Variants in SNTG1 observed in about 807,000 individuals in gnomAD.
SNTG1 encodes the protein syntrophin gamma 1.
SNTG1 carries 39 observed loss-of-function variants against 74.7 expected under a neutral mutation model. The observed-to-expected ratio is 0.52, with a 90% CI of 0.40 to 0.68. The LOEUF (loss-of-function observed/expected upper bound fraction) is 0.68, where lower values mean the gene tolerates loss of function less well. Ranked by LOEUF, SNTG1 falls within the 30% of genes least tolerant of loss-of-function variation. SNTG1 has a pLI of 0.00. For synonymous variants in SNTG1, 254 were observed against 217.1 expected (o/e 1.17, Z -1.49); for missense variants, 685 against 609.5 (o/e 1.12, Z -1.30).
At chr8:50,034,459 T>C (rs564342579) in intron 1 of SNTG1, among the ~76,000 whole-genome samples, 2 of 152,348 alleles carry the variant, frequency 1.3e-5, no homozygotes, top group African/African-American at 4.8e-5. Context: ...AATGCCAGCA[T>C]TTAAAAATCA....
intron 1 of SNTG1, among the ~76,000 whole-genome samples, chr8:50,150,596 A>T (rs1316584119): frequency 6.6e-6 from 1 of 152,188 alleles, no homozygotes; most frequent in East Asian, 1.9e-4. Context: ...GAGAGTTTTT[A>T]GCATGAAGGG....
intron 13 of SNTG1, among the ~76,000 whole-genome samples, chr8:50,647,463 TACACACAC>T (rs749068141): frequency 6.6e-6 from 1 of 151,400 alleles, no homozygotes; most frequent in Non-Finnish European, 1.5e-5. Context: ...TATATATGTA[TACACACAC>T]ACACATACAC....
chr8:50,670,154 C>G (rs2095272779), intron 15 of SNTG1, among the ~76,000 whole-genome samples: 1 of 152,138 alleles, frequency 6.6e-6, no homozygotes, highest in Non-Finnish European at 1.5e-5. Context: ...CCCTCTCTCA[C>G]CACTCCTATT....
chr8:50,594,515 G>A (rs1370346808), intron 13 of SNTG1, among the ~76,000 whole-genome samples: 1 of 151,796 alleles, frequency 6.6e-6, no homozygotes, highest in Non-Finnish European at 1.5e-5. Flanking sequence ...TATTAGCTCT[G>A]GTAGCTATTC....
chr8:50,159,377 C>T (rs772250690), intron 1 of SNTG1, among the ~76,000 whole-genome samples: 1 of 152,020 alleles, frequency 6.6e-6, no homozygotes, highest in Non-Finnish European at 1.5e-5. Flanking sequence ...TTATCTTATT[C>T]CTATTATTTG....
At chr8:50,546,824 C>T (rs2094391700) in intron 11 of SNTG1, among the ~76,000 whole-genome samples, 1 of 152,116 alleles carries the variant, frequency 6.6e-6, no homozygotes, top group Non-Finnish European at 1.5e-5. Context: ...CTCTGCCACC[C>T]AGGCTGGAGT....
At chr8:50,450,655 C>A in intron 7 of SNTG1, 33 bp from the exon 8 acceptor site, 1 of 1,613,178 alleles carries the variant, frequency 6.2e-7, no homozygotes, top group Non-Finnish European at 8.5e-7. Context: ...TTACAATATG[C>A]CATGGGAAAC....
At chr8:50,494,700 C>A (rs1032497960) in intron 8 of SNTG1, among the ~76,000 whole-genome samples, 1 of 151,976 alleles carries the variant, frequency 6.6e-6, no homozygotes, top group Non-Finnish European at 1.5e-5. Context: ...CGTGAACTAC[C>A]TAATAATGTA....
At chr8:50,454,353 T>A (rs2093483758) in intron 8 of SNTG1, among the ~76,000 whole-genome samples, 1 of 151,420 alleles carries the variant, frequency 6.6e-6, no homozygotes, top group Non-Finnish European at 1.5e-5. Flanking sequence ...AAACATTAGC[T>A]GGGTGTGGTG....
intron 9 of SNTG1, among the ~76,000 whole-genome samples, chr8:50,518,727 C>A (rs2094154682): frequency 1.3e-5 from 2 of 152,138 alleles, no homozygotes; most frequent in Admixed American, 1.3e-4. Context: ...AATTCCTGAA[C>A]ACATACACCC....
intron 1 of SNTG1, among the ~76,000 whole-genome samples, chr8:50,022,242 TGTA>T (rs1816891506): frequency 6.6e-6 from 1 of 152,180 alleles, no homozygotes; most frequent in African/African-American, 2.4e-5. Flanking sequence ...GAGACTGCTC[TGTA>T]GATAAATGAG....
chr8:50,445,159 A>C (rs2093395090), intron 5 of SNTG1, among the ~76,000 whole-genome samples: 2 of 152,164 alleles, frequency 1.3e-5, no homozygotes, highest in Non-Finnish European at 2.9e-5. Flanking sequence ...ATTTTTTGCC[A>C]AAATCAAACG....
At position 50,378,608 on chromosome 8, in the gene SNTG1, C is replaced by G. The variant is rs151164977; in HGVS notation, c.-27-15604C>G. Among the ~76,000 whole-genome samples, 507 of 152,208 alleles carry G rather than the reference C, an allele frequency of 3.3e-3. 7 individuals are homozygous for G. Among genetic ancestry groups the G allele is most frequent in the Admixed American group, 0.022 (335 of 15,288 alleles). ...CAGAGGAAAGCCACAGCAGGTAGCT[C>G]CTTTCTTCAGGCAGGATATCCCAAT... On this transcript the variant is annotated intron_variant, in intron 2 of 18. Transcript: ENST00000642720.
chr8:50,301,890 T>A (rs1039550152), intron 2 of SNTG1, among the ~76,000 whole-genome samples: 5 of 151,794 alleles, frequency 3.3e-5, no homozygotes, highest in African/African-American at 4.8e-5. Flanking sequence ...AGAGTCTCGC[T>A]CTGTTGCCCA....
intron 16 of SNTG1, among the ~76,000 whole-genome samples, chr8:50,706,077 T>A (rs991833412): frequency 1.3e-5 from 2 of 152,146 alleles, no homozygotes; most frequent in African/African-American, 4.8e-5. Context: ...ACCTCTGTAA[T>A]CAACACATCA....
At chr8:50,740,069 T>G (rs548581627) in intron 17 of SNTG1, among the ~76,000 whole-genome samples, 1 of 152,094 alleles carries the variant, frequency 6.6e-6, no homozygotes, top group East Asian at 1.9e-4. Context: ...TGGGCAAAGA[T>G]TTCATGATGA....
chr8:50,669,313 AAG>A (rs1191229781), intron 15 of SNTG1, among the ~76,000 whole-genome samples: 1 of 152,160 alleles, frequency 6.6e-6, no homozygotes, highest in Non-Finnish European at 1.5e-5. Context: ...ATAAAGAAAA[AAG>A]AGAGAAGAAT....
At chr8:50,434,371 G>T (rs944703706) in intron 4 of SNTG1, among the ~76,000 whole-genome samples, 21 of 152,256 alleles carry the variant, frequency 1.4e-4, no homozygotes, top group African/African-American at 5.1e-4. Context: ...TGTCTTTATA[G>T]CAGCATGATT....
chr8:50,090,816 AACAG>A (rs912219075), intron 1 of SNTG1, among the ~76,000 whole-genome samples: 5 of 152,162 alleles, frequency 3.3e-5, no homozygotes, highest in African/African-American at 1.2e-4. Context: ...GACACAAAGA[AACAG>A]ACAGCATATG....
Sources: gnomAD v4.1 joint callset for allele counts (sites outside exome capture counted in the v4.1 genomes callset) on GRCh38, gnomAD v4.1.1 for gene constraint, MANE v1.5 for transcripts, NCBI Gene and HGNC (gene_info 2026-07-23, HGNC 2026-07-21) for gene names.